ENTR1: variants seen among roughly 807,000 people sequenced by gnomAD.
ENTR1 encodes endosome associated trafficking regulator 1, also known as endosome-associated-trafficking regulator 1.
Under a neutral mutation model 47.9 loss-of-function variants are expected in ENTR1, and 47 were observed. That is an observed-to-expected ratio of 0.98 (90% CI 0.78 to 1.25). The LOEUF is 1.25. Ranked by LOEUF, ENTR1 falls within the 50% of genes most tolerant of loss-of-function variation. ENTR1 has a pLI of 0.00. For synonymous variants in ENTR1, 290 were observed against 245.8 expected (o/e 1.18, Z -1.68); for missense variants, 668 against 570.5 (o/e 1.17, Z -1.74).
At chr9:136,408,951 C>T (rs1325822301) in intron 3 of ENTR1, 48 bp downstream of exon 3, 3 of 1,488,834 alleles carry the variant, frequency 2.0e-6, no homozygotes, top group East Asian at 4.5e-5. Flanking sequence ...ACGTGCCTGG[C>T]ACTGTGTTGG....
chr9:136,402,688 G>C lies in ENTR1; in HGVS notation c.*100C>G, dbSNP rs1047131199. 5.0e-6 allele frequency: 4 copies of C among 793,152 alleles called. No homozygotes were observed. The African/African-American group carries it at 5.1e-5, about 10-fold the overall frequency. 49.1% of individuals were successfully genotyped at this position (793,152 alleles called of 1,614,324 possible). A position where few individuals can be genotyped will look rare whatever the true frequency, so the allele number is the denominator to read the frequency against. On this transcript the variant is annotated 3_prime_UTR_variant, in exon 10 of 10. Coordinates refer to ENST00000357365, the MANE Select transcript of ENTR1 (RefSeq NM_001039707.2). ...TCTTGCGATCAACACTTTACTCTGGGTGAAGACTGCATATTTAAGGACACA... is the reference window on the plus strand; with the variant it reads ...TCTTGCGATCAACACTTTACTCTGGCTGAAGACTGCATATTTAAGGACACA...
At chr9:136,403,374 GA>G (rs1564404339) in intron 9 of ENTR1, among the ~76,000 whole-genome samples, 4,616 of 101,024 alleles carry the variant, frequency 0.046, 572 homozygotes, top group Middle Eastern at 0.072. Context: ...TTTGCCGGGG[GA>G]GAAAGGGACA....
Position 136,410,186 on chromosome 9 carries a change from G to A in ENTR1, c.124C>T (p.Pro42Ser), listed in dbSNP as rs749296021. 7 of 1,607,544 alleles carry A rather than the reference G, an allele frequency of 4.4e-6. No homozygotes were observed. The East Asian group carries it at 9.0e-5, about 21-fold the overall frequency. The change falls in exon 2 of 10, where the codon CCC (proline) becomes TCC (serine). Residue 42 changes from proline (P) to serine (S), a missense_variant. Transcript: ENST00000357365. The part of the protein sequence containing the change: ...SCLPQLNCER[P>S]HGRDLDSPFF... ...GGGGAGTCCAGGTCCCTGCCATGGG[G>A]GCGCTCACAATTTAGCTGGGGGAGA...
chr9:136,408,032 T>G (rs1234805232), intron 3 of ENTR1, 94 bp from the exon 4 acceptor site: 2 of 792,190 alleles, frequency 2.5e-6, no homozygotes, highest in Non-Finnish European at 4.3e-6. Context: ...CATGGCCACA[T>G]GTGAGATCGG....
In ENTR1 at chr9:136,407,562, C is replaced by CAA; in HGVS notation, c.403-2_403-1insTT. 8.4e-6 allele frequency: 10 copies of CAA among 1,193,056 alleles called. No homozygotes were observed. The South Asian group carries it at 1.3e-4, about 15-fold the overall frequency. The allele number at this position is 1,193,056 out of a possible 1,614,324, so 73.9% of individuals were successfully genotyped here. A position where few individuals can be genotyped will look rare whatever the true frequency, so the allele number is the denominator to read the frequency against. The stretch of plus-strand genomic sequence containing the variant: ...GTCCCAGGGAATGCCTCGAGGCTTC[C>CAA]TAAAAAAAAAAAAAAAAAAAAAACA... On this transcript the variant is annotated splice_acceptor_variant, in intron 4 of 9. Transcript: ENST00000357365. LOFTEE classifies it high-confidence loss of function.
At chr9:136,406,206 G>A (rs969121584) in intron 5 of ENTR1, among the ~76,000 whole-genome samples, 1 of 152,084 alleles carries the variant, frequency 6.6e-6, no homozygotes, top group East Asian at 1.9e-4. Flanking sequence ...GCAGTGGCTC[G>A]CGCCTGTAAT....
At position 136,405,185 on chromosome 9, in the gene ENTR1, C is replaced by T. The variant is rs3812577; in HGVS notation, c.911G>A (p.Arg304Gln). ...AQTEMVRTLERKLEAKMIKEE... is the reference protein window; with the variant it reads ...AQTEMVRTLEQKLEAKMIKEE... ...CTTGATCATTTTTGCTTCTAACTTC[C>T]GCTCAAGCGTCCTCACCCTTGTTAA... Residue 304 changes from arginine to glutamine, a missense_variant, in exon 7 of 10, where the codon CGG (arginine) becomes CAG (glutamine). Physicochemically the swap from Arg to Gln is conservative, Grantham distance 43. Transcript: ENST00000357365. 201,309 of 1,612,896 alleles carry T rather than the reference C, an allele frequency of 0.12. 13,762 individuals are homozygous for T. Among genetic ancestry groups the T allele is most frequent in the Admixed American group, 0.23 (13,724 of 60,012 alleles).
At position 136,410,457 on chromosome 9, in the gene ENTR1, G is replaced by C. The variant is rs901497538; in HGVS notation, c.-60C>G. 2.3e-5 allele frequency: 24 copies of C among 1,057,988 alleles called. No homozygotes were observed. The highest frequency in any genetic ancestry group is 5.4e-5 in the Admixed American group (1 of 18,658). 65.5% of individuals were successfully genotyped at this position (1,057,988 alleles called of 1,614,324 possible). On this transcript the variant is annotated 5_prime_UTR_variant, in exon 1 of 10. Transcript: ENST00000357365. ...CCGGCAGCGGCGGCTCCATGGCCCC[G>C]GCTCCGCCCGTGCCGCGGCCCGCGT...
chr9:136,409,961 C>G (rs1835003450), intron 2 of ENTR1, 129 bp downstream of exon 2: 1 of 1,163,160 alleles, frequency 8.6e-7, no homozygotes, highest in African/African-American at 1.5e-5. Context: ...CTTTGAATTC[C>G]GAGTGCCTGG....
rs1432689176 is a variant in ENTR1 at position 136,405,172 on chromosome 9, T to C, written c.924A>G (p.Ala308=). The change falls in exon 7 of 10, where the codon GCA becomes GCG. Residue 308 remains alanine (A), a synonymous_variant. Transcript: ENST00000357365. ...AGTCGCTTTCCTCCTTGATCATTTT[T>C]GCTTCTAACTTCCGCTCAAGCGTCC... The part of the protein sequence containing the change: ...MVRTLERKLE[A]KMIKEESDYH... 1.2e-6 allele frequency: 2 copies of C among 1,614,078 alleles called. No homozygotes were observed. Among genetic ancestry groups the C allele is most frequent in the Non-Finnish European group, 1.7e-6 (2 of 1,179,992 alleles).
chr9:136,409,475 C>T (rs1024088479), intron 2 of ENTR1, among the ~76,000 whole-genome samples: 9 of 152,198 alleles, frequency 5.9e-5, no homozygotes, highest in Non-Finnish European at 1.3e-4. Flanking sequence ...GCCACTGCGC[C>T]CGGTCAGCCG....
chr9:136,409,922 G>C, intron 2 of ENTR1, 168 bp downstream of exon 2: 1 of 845,880 alleles, frequency 1.2e-6, no homozygotes, highest in Non-Finnish European at 2.0e-6. Flanking sequence ...CCCGCAACCA[G>C]ACTGTGAGCT....
chr9:136,406,116 A>G (rs930190147), intron 5 of ENTR1, 138 bp from the exon 6 acceptor site: 8 of 519,378 alleles, frequency 1.5e-5, no homozygotes, highest in Non-Finnish European at 2.3e-5. Flanking sequence ...GCCACTACAG[A>G]GGGAGACCAC....
At position 136,405,995 on chromosome 9, in the gene ENTR1, T is replaced by C. The variant is rs761883463; in HGVS notation, c.820-17A>G. The C allele has an allele frequency of 6.3e-7, 1 of 1,591,652 alleles. No individual in the cohort carries two copies. Reference sequence around the variant, plus strand: ...ATCTTTCAGCTGTGGAGAGAGAACATCCTTATTAGAAAGTCAGCATGTCTG... The same window carrying C: ...ATCTTTCAGCTGTGGAGAGAGAACACCCTTATTAGAAAGTCAGCATGTCTG... On this transcript the variant is annotated splice_polypyrimidine_tract_variant and intron_variant, in intron 5 of 9. Coordinates refer to ENST00000357365, the MANE Select transcript of ENTR1 (RefSeq NM_001039707.2).
chr9:136,408,010 G>T (rs1245499619), intron 3 of ENTR1, 72 bp from the exon 4 acceptor site: 2 of 990,576 alleles, frequency 2.0e-6, no homozygotes, highest in East Asian at 2.4e-5. Context: ...CTGTTCACCT[G>T]TCTTTCCAGA....
At chr9:136,406,624 C>T (rs1394694342) in intron 5 of ENTR1, among the ~76,000 whole-genome samples, 1 of 151,898 alleles carries the variant, frequency 6.6e-6, no homozygotes, top group Non-Finnish European at 1.5e-5. Context: ...CTACAGGCGC[C>T]TGCCGCCACG....
At position 136,409,029 on chromosome 9, in the gene ENTR1, G is replaced by C; in HGVS notation, c.259C>G (p.Pro87Ala). ...AAATGTGTCCCGTGGGCTCCTGACG[G>C]GCTCTGCTTAGAACATTTCCCCTTT... ...YGKGKCSKQS[P>A]SGAHGTHFGD... The change falls in exon 3 of 10, where the codon CCG becomes GCG. Residue 87 changes from proline to alanine, a missense_variant. By Grantham distance (27) the Pro-to-Ala change is conservative. Transcript: ENST00000357365. 6.2e-7 allele frequency: 1 copy of C among 1,613,932 alleles called. No individual in the cohort carries two copies. The highest frequency in any genetic ancestry group is 1.1e-5 in the South Asian group (1 of 91,072).
rs1473488652 is a variant in ENTR1, at chr9:136,409,134, T to C, written c.221-67A>G. On this transcript the variant is annotated intron_variant, in intron 2 of 9. Transcript: ENST00000357365. ...TTTATGACCTCACATTTGGTTTTTTTCTTTTGCACATGGAGTCTCCACTGC... is the reference window on the plus strand; with the variant it reads ...TTTATGACCTCACATTTGGTTTTTTCCTTTTGCACATGGAGTCTCCACTGC... 4 of 1,433,768 alleles carry C rather than the reference T, an allele frequency of 2.8e-6. No homozygotes were observed. The East Asian group carries it at 6.8e-5, about 24-fold the overall frequency. 88.8% of individuals were successfully genotyped at this position (1,433,768 alleles called of 1,614,324 possible). A position where few individuals can be genotyped will look rare whatever the true frequency, so the allele number is the denominator to read the frequency against.
intron 4 of ENTR1, 110 bp downstream of exon 4, chr9:136,407,716 C>G: frequency 7.3e-7 from 1 of 1,368,434 alleles, no homozygotes; most frequent in Non-Finnish European, 1.0e-6. Flanking sequence ...CTCCCCAGCA[C>G]TGACGCCTGC....
Sources: gnomAD v4.1 joint callset for allele counts (sites outside exome capture counted in the v4.1 genomes callset) on GRCh38, gnomAD v4.1.1 for gene constraint, MANE v1.5 for transcripts, NCBI Gene and HGNC (gene_info 2026-07-23, HGNC 2026-07-21) for gene names.